NFILZ: variants seen among roughly 807,000 people sequenced by gnomAD.
The protein encoded by NFILZ is NFIL3 like basic leucine zipper.
intron 3 of NFILZ, among the ~76,000 whole-genome samples, chr19:8,659,787 T>C (rs782625387): frequency 5.9e-5 from 9 of 152,016 alleles, no homozygotes; most frequent in Admixed American, 3.3e-4. Context: ...CGGATGAAGC[T>C]CTGGCCTGTT....
At chr19:8,666,755 A>G (rs941449229) in intron 3 of NFILZ, among the ~76,000 whole-genome samples, 1 of 151,504 alleles carries the variant, frequency 6.6e-6, no homozygotes, top group African/African-American at 2.4e-5. Flanking sequence ...CTTTTTTGAG[A>G]CAGAATCTCA....
At chr19:8,672,933 G>A (rs1388901334) in intron 3 of NFILZ, among the ~76,000 whole-genome samples, 2 of 152,086 alleles carry the variant, frequency 1.3e-5, no homozygotes, top group Non-Finnish European at 2.9e-5. Flanking sequence ...ATTTCAAAAA[G>A]CTACCTCTGG....
In NFILZ at chr19:8,681,061, G is replaced by A. The variant is rs1555751403; in HGVS notation, c.*3426G>A. On this transcript the variant is annotated 3_prime_UTR_variant, in exon 6 of 6. Coordinates refer to ENST00000691075, the MANE Select transcript of NFILZ (RefSeq NM_001378600.1). ...TGAGTGATATGGGCATGAGGGGGAC[G>A]TTTCCAAGTATATTTCTGTTGTAGT... 6.6e-6 allele frequency among the ~76,000 whole-genome samples: 1 copy of A among 152,002 alleles called. No homozygotes were observed. Among genetic ancestry groups the A allele is most frequent in the Non-Finnish European group, 1.5e-5 (1 of 68,000 alleles).
At chr19:8,650,770 T>C (rs781791581) in intron 3 of NFILZ, among the ~76,000 whole-genome samples, 1 of 152,176 alleles carries the variant, frequency 6.6e-6, no homozygotes, top group Non-Finnish European at 1.5e-5. Context: ...CAGAATTTAC[T>C]TGGATTTCTC....
intron 3 of NFILZ, among the ~76,000 whole-genome samples, chr19:8,639,258 G>A (rs139507489): frequency 1.8e-3 from 280 of 152,178 alleles, no homozygotes; most frequent in Non-Finnish European, 2.5e-3. Context: ...TGTGGGGAAG[G>A]AGAGCTTGCA....
intron 3 of NFILZ, among the ~76,000 whole-genome samples, chr19:8,655,436 G>A (rs2146151743): frequency 6.6e-6 from 1 of 152,266 alleles, no homozygotes; most frequent in South Asian, 2.1e-4. Flanking sequence ...CTGAGTCTGG[G>A]CCATCCCACA....
intron 3 of NFILZ, among the ~76,000 whole-genome samples, chr19:8,649,636 G>C (rs1409875405): frequency 1.3e-5 from 2 of 152,032 alleles, no homozygotes; most frequent in African/African-American, 4.8e-5. Context: ...TATGGGTCCT[G>C]TTTTACTGAA....
intron 3 of NFILZ, among the ~76,000 whole-genome samples, chr19:8,662,230 T>C (rs1335050276): frequency 7.0e-6 from 1 of 142,878 alleles, no homozygotes; most frequent in African/African-American, 2.6e-5. Flanking sequence ...GGTGAAAAAG[T>C]AAAGGAGGGG....
intron 3 of NFILZ, among the ~76,000 whole-genome samples, chr19:8,665,550 A>G (rs1172558030): frequency 2.0e-5 from 3 of 152,170 alleles, no homozygotes; most frequent in Non-Finnish European, 4.4e-5. Flanking sequence ...TATGTTGCCC[A>G]GGCTGGTCTC....
At chr19:8,667,162 A>G (rs2043066027) in intron 3 of NFILZ, among the ~76,000 whole-genome samples, 1 of 152,134 alleles carries the variant, frequency 6.6e-6, no homozygotes, top group African/African-American at 2.4e-5. Context: ...CTTACAATGC[A>G]AGGAAAGAAA....
At chr19:8,656,970 G>A (rs1350674055) in intron 3 of NFILZ, among the ~76,000 whole-genome samples, 6 of 152,048 alleles carry the variant, frequency 3.9e-5, no homozygotes, top group Non-Finnish European at 8.8e-5. Flanking sequence ...TGTCCTGGGG[G>A]TTGTCTGTGG....
chr19:8,663,760 G>GTATGTGTGTA (rs1267863037), intron 3 of NFILZ, among the ~76,000 whole-genome samples: 1 of 136,254 alleles, frequency 7.3e-6, no homozygotes, highest in African/African-American at 2.7e-5. Context: ...GTGTGTGTGT[G>GTATGTGTGTA]TGTGTGTGTG....
rs1256651447 is a variant in NFILZ at position 8,677,013 on chromosome 19, T to C, written c.248T>C (p.Leu83Pro). 2 of 152,410 alleles carry C rather than the reference T, an allele frequency of 1.3e-5. No individual in the cohort carries two copies. Among genetic ancestry groups the C allele is most frequent in the Non-Finnish European group, 2.9e-5 (2 of 68,158 alleles). 9.4% of individuals were successfully genotyped at this position (152,410 alleles called of 1,614,324 possible). The change falls in exon 6 of 6, where the codon CTG (leucine) becomes CCG (proline). Residue 83 changes from leucine to proline, a missense_variant. Physicochemically the swap from Leu to Pro is moderately conservative, Grantham distance 98 (BLOSUM62 -3). Transcript: ENST00000691075. Reference protein sequence around the residue: ...RLAALMEENALLKGELKALKL... With the variant: ...RLAALMEENAPLKGELKALKL... Reference sequence around the variant, plus strand: ...GCTGCACTGATGGAGGAGAATGCCCTGCTCAAGGGTGAGCTGAAGGCGCTC... The same window carrying C: ...GCTGCACTGATGGAGGAGAATGCCCCGCTCAAGGGTGAGCTGAAGGCGCTC...
chr19:8,654,774 T>G (rs1389130822), intron 3 of NFILZ, among the ~76,000 whole-genome samples: 1 of 152,184 alleles, frequency 6.6e-6, no homozygotes, highest in African/African-American at 2.4e-5. Flanking sequence ...TCAGCGACTC[T>G]GCAGGGTGAA....
In NFILZ at chr19:8,679,274, T is replaced by TTATTAA. The variant is rs2043134035; in HGVS notation, c.*1644_*1645insATATTA. On this transcript the variant is annotated 3_prime_UTR_variant, in exon 6 of 6. Transcript: ENST00000691075. ...TTCTCACTCAGCCCCTCTCCCATTATTATTATTATTATTATTATTATTATT... is the reference window on the plus strand; with the variant it reads ...TTCTCACTCAGCCCCTCTCCCATTATTATTAATATTATTATTATTATTATTATTATT... Among the ~76,000 whole-genome samples the TTATTAA allele has an allele frequency of 1.5e-5, 1 of 68,062 alleles. No individual in the cohort carries two copies. Among genetic ancestry groups the TTATTAA allele is most frequent in the African/African-American group, 5.6e-5 (1 of 17,858 alleles). 44.7% of individuals were successfully genotyped at this position (68,062 alleles called of 152,430 possible).
intron 3 of NFILZ, among the ~76,000 whole-genome samples, chr19:8,672,734 T>G (rs2043094302): frequency 6.6e-6 from 1 of 152,218 alleles, no homozygotes; most frequent in African/African-American, 2.4e-5. Flanking sequence ...CATTAAATAG[T>G]TTATTTTAAA....
rs2043001199 is a variant in NFILZ, at chr19:8,656,447, A to AAGCCCACCTTCTCCTGC, written c.-163-18091_-163-18090insCTGCAGCCCACCTTCTC. On this transcript the variant is annotated intron_variant, in intron 3 of 5. Coordinates refer to ENST00000691075, the MANE Select transcript of NFILZ (RefSeq NM_001378600.1). The stretch of plus-strand genomic sequence containing the variant: ...CTTTCCGCAGCCCACCTTCTCCTCG[A>AAGCCCACCTTCTCCTGC]AGCCCACCTTCTCTCTGAAGCCCAC... Among the ~76,000 whole-genome samples the AAGCCCACCTTCTCCTGC allele has an allele frequency of 6.1e-5, 3 of 49,176 alleles. 1 individual carries two copies. Among genetic ancestry groups the AAGCCCACCTTCTCCTGC allele is most frequent in the Non-Finnish European group, 4.3e-5 (1 of 23,262 alleles). The allele number at this position is 49,176 out of a possible 152,430, so 32.3% of individuals were successfully genotyped here. A position where few individuals can be genotyped will look rare whatever the true frequency, so the allele number is the denominator to read the frequency against.
intron 3 of NFILZ, among the ~76,000 whole-genome samples, chr19:8,643,970 C>G (rs1218484759): frequency 6.6e-6 from 1 of 152,016 alleles, no homozygotes; most frequent in Non-Finnish European, 1.5e-5. Flanking sequence ...TTGTGGGGTT[C>G]TCTCTCTCAG....
chr19:8,631,687 G>A (rs565708677), intron 1 of NFILZ, among the ~76,000 whole-genome samples: 39 of 152,260 alleles, frequency 2.6e-4, no homozygotes, highest in African/African-American at 8.2e-4. Context: ...CCAGGCCTTC[G>A]TGTCCAGCCC....
Sources: gnomAD v4.1 joint callset for allele counts (sites outside exome capture counted in the v4.1 genomes callset) on GRCh38, gnomAD v4.1.1 for gene constraint, MANE v1.5 for transcripts, NCBI Gene and HGNC (gene_info 2026-07-23, HGNC 2026-07-21) for gene names.